The following PDE4D variants were observed in gnomAD, a reference collection of about 807,000 sequenced individuals.
The protein encoded by PDE4D is 3',5'-cyclic-AMP phosphodiesterase 4D.
Under a neutral mutation model 87.4 loss-of-function variants are expected in PDE4D, and 24 were observed. The observed-to-expected ratio is 0.27, with a 90% confidence interval of 0.20 to 0.39. PDE4D has a LOEUF of 0.39. Ranked by LOEUF, PDE4D falls within the 10% of genes least tolerant of loss-of-function variation. The probability of loss-of-function intolerance (pLI) is 1.00; values close to 1 mark genes in which losing one functional copy is unlikely to be tolerated. For synonymous variants in PDE4D, 384 were observed against 383.2 expected (o/e 1.00, Z -0.02); for missense variants, 714 against 1,041.0 (o/e 0.69, Z 4.32).
chr5:59,828,725 A>G (rs1017958764), intron 1 of PDE4D, among the ~76,000 whole-genome samples: 3 of 152,092 alleles, frequency 2.0e-5, no homozygotes, highest in Non-Finnish European at 4.4e-5. Context: ...CCTGTTATAT[A>G]CAACTGAGGG....
intron 1 of PDE4D, among the ~76,000 whole-genome samples, chr5:59,606,450 A>G (rs1028233811): frequency 1.3e-5 from 2 of 152,122 alleles, no homozygotes; most frequent in Non-Finnish European, 2.9e-5. Context: ...ATAACCTTAT[A>G]AAGCATGTAC....
chr5:58,991,559 A>C (rs1226206791), intron 8 of PDE4D, among the ~76,000 whole-genome samples: 1 of 152,144 alleles, frequency 6.6e-6, no homozygotes, highest in Non-Finnish European at 1.5e-5. Flanking sequence ...CTGTTTTCCT[A>C]AAACCCAGAA....
intron 1 of PDE4D, among the ~76,000 whole-genome samples, chr5:59,461,271 T>C (rs932710074): frequency 5.3e-5 from 8 of 152,104 alleles, no homozygotes; most frequent in Admixed American, 2.6e-4. Context: ...AATCTAAATA[T>C]GTATACAAAA....
upstream of PDE4D, chr5:60,491,454 T>C (rs1196954791): frequency 6.6e-6 from 1 of 152,118 alleles, no homozygotes; most frequent in Non-Finnish European, 1.5e-5. Context: ...GCCATGAATA[T>C]GAAATCATAT....
chr5:59,058,624 C>A (rs887960451), intron 5 of PDE4D, among the ~76,000 whole-genome samples: 1 of 152,084 alleles, frequency 6.6e-6, no homozygotes, highest in Admixed American at 6.6e-5. Context: ...ATCGTTTAGT[C>A]CCCCAACTCC....
intron 1 of PDE4D, among the ~76,000 whole-genome samples, chr5:59,496,636 T>C (rs1807261451): frequency 6.6e-6 from 1 of 152,110 alleles, no homozygotes; most frequent in Non-Finnish European, 1.5e-5. Flanking sequence ...GAGGGGGATG[T>C]AGCCGGCTAA....
rs560702123 is a variant in PDE4D at position 59,126,802 on chromosome 5, T to C, written c.808+53793A>G. On this transcript the variant is annotated intron_variant, in intron 5 of 14. Transcript: ENST00000340635. Reference sequence around the variant, plus strand: ...AAATCAGATCAGCAAAAGATTTTTATGGACTTGGAAAGCTGCCCATTAATG... The same window carrying C: ...AAATCAGATCAGCAAAAGATTTTTACGGACTTGGAAAGCTGCCCATTAATG... 2.0e-4 allele frequency among the ~76,000 whole-genome samples: 31 copies of C among 152,354 alleles called. 1 individual carries two copies. Among genetic ancestry groups the C allele is most frequent in the African/African-American group, 6.3e-4 (26 of 41,592 alleles).
rs1208390410 is a variant in PDE4D, at chr5:59,074,380, G to C, written c.809-35409C>G. On this transcript the variant is annotated intron_variant, in intron 5 of 14. Transcript: ENST00000340635. Reference sequence around the variant, plus strand: ...TTGAAAATATAAAATGGAGGAAAAAGTGAGTTATGAGATTCAGTAATATGA... The same window carrying C: ...TTGAAAATATAAAATGGAGGAAAAACTGAGTTATGAGATTCAGTAATATGA... Among the ~76,000 whole-genome samples, 4 of 152,154 alleles carry C rather than the reference G, an allele frequency of 2.6e-5. 1 individual carries two copies. The highest frequency in any genetic ancestry group is 5.9e-5 in the Non-Finnish European group (4 of 68,012).
chr5:60,453,913 T>C (rs1010335942), intron 1 of PDE4D, among the ~76,000 whole-genome samples: 1 of 152,180 alleles, frequency 6.6e-6, no homozygotes, highest in Admixed American at 6.6e-5. Flanking sequence ...CTTGGCACCA[T>C]AGAAGCAGAC....
chr5:59,786,183 AG>A (rs1765156390), intron 1 of PDE4D, among the ~76,000 whole-genome samples: 1 of 152,208 alleles, frequency 6.6e-6, no homozygotes, highest in Non-Finnish European at 1.5e-5. Context: ...CTCTTTCTGC[AG>A]CACTCCACAT....
intron 1 of PDE4D, among the ~76,000 whole-genome samples, chr5:60,299,965 G>C (rs112092939): frequency 6.6e-6 from 1 of 152,144 alleles, no homozygotes; most frequent in Non-Finnish European, 1.5e-5. Context: ...GGTCTTTGAG[G>C]AATCGCCACA....
chr5:60,001,563 C>G (rs1198998261), intron 2 of PDE4D, among the ~76,000 whole-genome samples: 2 of 152,002 alleles, frequency 1.3e-5, no homozygotes, highest in African/African-American at 4.8e-5. Context: ...AAGTATACAA[C>G]TCACTGGAAA....
chr5:60,435,867 C>G (rs1303548403), intron 1 of PDE4D, among the ~76,000 whole-genome samples: 3 of 152,030 alleles, frequency 2.0e-5, no homozygotes, highest in African/African-American at 7.2e-5. Context: ...CCATTGCAGA[C>G]TTTCTTAAGC....
At chr5:59,031,521 C>T (rs1757502278) in intron 6 of PDE4D, among the ~76,000 whole-genome samples, 1 of 147,776 alleles carries the variant, frequency 6.8e-6, no homozygotes. Flanking sequence ...TCCTGGCTAA[C>T]ATAGTAAAAC....
At chr5:59,511,884 C>T (rs1171967209) in intron 1 of PDE4D, among the ~76,000 whole-genome samples, 2 of 152,180 alleles carry the variant, frequency 1.3e-5, no homozygotes, top group East Asian at 1.9e-4. Context: ...AATCTGAAAA[C>T]ACTGAATTTC....
intron 5 of PDE4D, among the ~76,000 whole-genome samples, chr5:59,179,059 T>C (rs1387130658): frequency 6.6e-6 from 1 of 152,160 alleles, no homozygotes; most frequent in African/African-American, 2.4e-5. Flanking sequence ...AAGAAATCAG[T>C]TACTCAAAGT....
chr5:60,461,592 T>C (rs149518612), intron 1 of PDE4D, among the ~76,000 whole-genome samples: 360 of 152,350 alleles, frequency 2.4e-3, no homozygotes, highest in Non-Finnish European at 3.8e-3. Flanking sequence ...GCCTTTCCAT[T>C]TGACTGATTC....
intron 2 of PDE4D, among the ~76,000 whole-genome samples, chr5:60,163,796 A>C (rs77009565): frequency 0.019 from 2,960 of 152,318 alleles, 93 homozygotes; most frequent in African/African-American, 0.068. Flanking sequence ...GCCTTGAGTT[A>C]AACAAGAAAG....
chr5:60,488,257 A>C (rs896676687), upstream of PDE4D: 1 of 152,212 alleles, frequency 6.6e-6, no homozygotes, highest in Admixed American at 6.5e-5. Context: ...GGCCAGAGAA[A>C]AATCACAGCT....
Sources: allele counts gnomAD v4.1 joint callset (sites outside exome capture counted in the v4.1 genomes callset), GRCh38; gene constraint gnomAD v4.1.1; transcripts MANE v1.5; gene names NCBI Gene and HGNC (gene_info 2026-07-23, HGNC 2026-07-21).